The following RBFOX3 variants were observed in gnomAD, a reference collection of about 807,000 sequenced individuals.
RBFOX3 encodes RNA binding fox-1 homolog 3.
In RBFOX3, 17 loss-of-function variants were observed where a neutral mutation model predicts 48.7. That is an observed-to-expected ratio of 0.35 (90% CI 0.24 to 0.52). The LOEUF is 0.52. Among genes scored for constraint, RBFOX3 ranks in the 20% least tolerant of loss-of-function variants. The pLI, the probability that RBFOX3 is intolerant of heterozygous loss-of-function variation, is 0.94. For missense variants in RBFOX3, 382 were observed against 497.5 expected, an observed-to-expected ratio of 0.77 and a Z score of 2.21; for synonymous variants, 212 against 209.5, an observed-to-expected ratio of 1.01 and a Z score of -0.10.
intron 1 of RBFOX3, among the ~76,000 whole-genome samples, chr17:79,566,500 G>A (rs1169089879): frequency 6.6e-6 from 1 of 152,224 alleles, no homozygotes; most frequent in Non-Finnish European, 1.5e-5. Context: ...GGTGGGCCAG[G>A]GGACGGGGGA....
intron 3 of RBFOX3, among the ~76,000 whole-genome samples, chr17:79,301,832 C>T (rs12950998): frequency 6.6e-6 from 1 of 152,182 alleles, no homozygotes; most frequent in Non-Finnish European, 1.5e-5. Flanking sequence ...AGATCTTATG[C>T]TGAGTGAAAT....
At chr17:79,330,372 A>G (rs2080060319) in intron 2 of RBFOX3, among the ~76,000 whole-genome samples, 1 of 152,080 alleles carries the variant, frequency 6.6e-6, no homozygotes, top group African/African-American at 2.4e-5. Flanking sequence ...ACTACACAGG[A>G]GTCCCCCCAG....
chr17:79,216,225 G>A (rs117891146), intron 4 of RBFOX3, among the ~76,000 whole-genome samples: 1,529 of 152,384 alleles, frequency 0.01, 10 homozygotes, highest in Non-Finnish European at 0.015. Flanking sequence ...CCTCCCAGGC[G>A]TAGGTGAGGC....
intron 4 of RBFOX3, among the ~76,000 whole-genome samples, chr17:79,126,213 G>A (rs1449164947): frequency 6.6e-6 from 1 of 152,254 alleles, no homozygotes; most frequent in Non-Finnish European, 1.5e-5. Context: ...AGTCTGGTGT[G>A]AGGAGGGGGC....
At chr17:79,164,271 C>T (rs2047555341) in intron 4 of RBFOX3, among the ~76,000 whole-genome samples, 1 of 152,194 alleles carries the variant, frequency 6.6e-6, no homozygotes. Context: ...TTCAGGAGTC[C>T]AAGGTTAGGG....
intron 3 of RBFOX3, among the ~76,000 whole-genome samples, chr17:79,236,392 G>A (rs2061640367): frequency 6.6e-6 from 1 of 152,024 alleles, no homozygotes; most frequent in African/African-American, 2.4e-5. Context: ...GGGTTCGAGC[G>A]ATTCTTGTGC....
the RBFOX3 span, among the ~76,000 whole-genome samples, chr17:79,624,602 G>T: frequency 2.0e-5 from 3 of 152,136 alleles, no homozygotes; most frequent in African/African-American, 7.2e-5. Context: ...GCTCACCCTG[G>T]TGCCTAGCAC....
chr17:79,092,026 G>C (rs2074013169), intron 14 of RBFOX3: 1 of 985,474 alleles, frequency 1.0e-6, no homozygotes, highest in South Asian at 4.7e-5. Context: ...CCTGTGGTTG[G>C]CTGGGTGAAG....
intron 1 of RBFOX3, among the ~76,000 whole-genome samples, chr17:79,596,364 C>T (rs1417151369): frequency 6.6e-6 from 1 of 152,200 alleles, no homozygotes; most frequent in Non-Finnish European, 1.5e-5. Flanking sequence ...CTCTGACAGC[C>T]CTCTGCCCCC....
At chr17:79,632,969 T>C in the RBFOX3 span, among the ~76,000 whole-genome samples, 3 of 152,324 alleles carry the variant, frequency 2.0e-5, no homozygotes, top group Non-Finnish European at 2.9e-5. Flanking sequence ...GAAAGAGAGA[T>C]GGGCACTTTT....
intron 1 of RBFOX3, among the ~76,000 whole-genome samples, chr17:79,549,073 A>C (rs2090860446): frequency 6.6e-6 from 1 of 152,224 alleles, no homozygotes; most frequent in Non-Finnish European, 1.5e-5. Context: ...TGCACTGACC[A>C]AGGTCCCTTG....
At chr17:79,264,848 C>T (rs1454887091) in intron 3 of RBFOX3, among the ~76,000 whole-genome samples, 1 of 149,400 alleles carries the variant, frequency 6.7e-6, no homozygotes, top group African/African-American at 2.4e-5. Flanking sequence ...TTGGCTCCTG[C>T]CCCCGCTGGA....
intron 2 of RBFOX3, among the ~76,000 whole-genome samples, chr17:79,329,537 A>G (rs1302781831): frequency 6.6e-6 from 1 of 152,136 alleles, no homozygotes; most frequent in Admixed American, 6.5e-5. Context: ...GGGCCACTAT[A>G]TAACCTGAAA....
intron 3 of RBFOX3, among the ~76,000 whole-genome samples, chr17:79,245,417 T>C (rs535538333): frequency 1.1e-4 from 16 of 152,190 alleles, no homozygotes; most frequent in African/African-American, 3.9e-4. Context: ...GAAGCCACTT[T>C]TTTGGTTTGA....
intron 2 of RBFOX3, among the ~76,000 whole-genome samples, chr17:79,463,820 G>A (rs375065523): frequency 0.096 from 11,520 of 120,066 alleles, 673 homozygotes; most frequent in African/African-American, 0.2. Context: ...CACCTCCACC[G>A]CCATCACCAC....
At chr17:79,208,873 T>C (rs2057934255) in intron 4 of RBFOX3, among the ~76,000 whole-genome samples, 1 of 151,798 alleles carries the variant, frequency 6.6e-6, no homozygotes, top group African/African-American at 2.4e-5. Flanking sequence ...TGGAGTGCAG[T>C]GATGTGATCT....
At chr17:79,186,612 G>A (rs540301857) in intron 4 of RBFOX3, among the ~76,000 whole-genome samples, 131 of 152,276 alleles carry the variant, frequency 8.6e-4, no homozygotes, top group Middle Eastern at 3.4e-3. Flanking sequence ...TGCTGCCCCC[G>A]CTCCTGGGGC....
intron 2 of RBFOX3, among the ~76,000 whole-genome samples, chr17:79,325,769 C>T (rs1350187909): frequency 1.3e-5 from 2 of 152,192 alleles, no homozygotes; most frequent in Non-Finnish European, 2.9e-5. Flanking sequence ...GGATATTTAT[C>T]GTTCGCTCCC....
intron 3 of RBFOX3, among the ~76,000 whole-genome samples, chr17:79,301,987 A>G (rs969570116): frequency 6.6e-6 from 1 of 152,158 alleles, no homozygotes; most frequent in African/African-American, 2.4e-5. Flanking sequence ...GGTATTATTT[A>G]ATGGGGACAG....
Sources: allele counts gnomAD v4.1 joint callset (sites outside exome capture counted in the v4.1 genomes callset), GRCh38; gene constraint gnomAD v4.1.1; transcripts MANE v1.5; gene names NCBI Gene and HGNC (gene_info 2026-07-23, HGNC 2026-07-21).